GCHFR: variants seen among roughly 807,000 people sequenced by gnomAD.
The protein encoded by GCHFR is GTP cyclohydrolase 1 feedback regulatory protein.
A neutral mutation model predicts 10.6 loss-of-function variants in GCHFR; 12 were observed. That is an observed-to-expected ratio of 1.13 (90% CI 0.72 to 1.83). The LOEUF is 1.83. GCHFR is among the 40% of genes most tolerant of loss of function. The probability of loss-of-function intolerance (pLI) is 0.00; values close to 1 mark genes in which losing one functional copy is unlikely to be tolerated. For synonymous variants in GCHFR, 54 were observed against 43.7 expected (o/e 1.24, Z -0.93); for missense variants, 116 against 110.6 (o/e 1.05, Z -0.22).
intron 1 of GCHFR, 77 bp downstream of exon 1, chr15:40,764,293 C>T (rs1392371201): frequency 6.7e-6 from 9 of 1,349,474 alleles, no homozygotes; most frequent in Middle Eastern, 1.9e-4. Context: ...ATGCCTCCCT[C>T]CTGGGCTGCA....
chr15:40,767,116 CAAGT>C (rs1888966189), intron 2 of GCHFR, 106 bp from the exon 3 acceptor site: 1 of 1,170,248 alleles, frequency 8.5e-7, no homozygotes. Flanking sequence ...AAGCAGCCAG[CAAGT>C]GTGAGTCACT....
chr15:40,764,073 C>A lies in GCHFR; in HGVS notation c.-108C>A. ...GATTGACGCCGCCTGTGGCCAGAGC[C>A]GGAGTAACGGGACTCCCAGCTGCGC... On this transcript the variant is annotated 5_prime_UTR_variant, in exon 1 of 3. Coordinates refer to ENST00000260447, the MANE Select transcript of GCHFR (RefSeq NM_005258.3). The A allele has an allele frequency of 4.5e-6, 5 of 1,106,206 alleles. No homozygotes were observed. The highest frequency in any genetic ancestry group is 6.4e-6 in the Non-Finnish European group (5 of 786,672). 68.5% of individuals were successfully genotyped at this position (1,106,206 alleles called of 1,614,324 possible).
rs1566817110 is a variant in GCHFR at position 40,767,286 on chromosome 15, CT to C, written c.194del (p.Phe65SerfsTer4). On this transcript the variant is annotated frameshift_variant, in exon 3 of 3. Coordinates refer to ENST00000260447, the MANE Select transcript of GCHFR (RefSeq NM_005258.3). LOFTEE classifies it high-confidence loss of function. ...TCCTGGACAAGCTGGAACGCAGGGG[CT>C]TCCGTGTGCTGAGCATGACGGGGGT... ...IVLDKLERRGFRVLSMTGVGQ... is the reference protein window; with the variant it reads ...IVLDKLERRGXRVLSMTGVGQ... The C allele has an allele frequency of 2.5e-6, 4 of 1,604,482 alleles. No individual in the cohort carries two copies. The highest frequency in any genetic ancestry group is 3.4e-6 in the Non-Finnish European group (4 of 1,175,624).
rs755561233 is a variant in GCHFR at position 40,765,936 on chromosome 15, C to T, written c.131+15C>T. ...GGAAACAACTTGTAAGTAGCAGCCT[C>T]CCTCAGTATCCTCTCCCTGCCAGCC... On this transcript the variant is annotated intron_variant, in intron 2 of 2. Coordinates refer to ENST00000260447, the MANE Select transcript of GCHFR (RefSeq NM_005258.3). The T allele has an allele frequency of 7.3e-7, 1 of 1,375,622 alleles. No homozygotes were observed. Among genetic ancestry groups the T allele is most frequent in the Non-Finnish European group, 1.0e-6 (1 of 979,550 alleles). 85.2% of individuals were successfully genotyped at this position (1,375,622 alleles called of 1,614,324 possible). A position where few individuals can be genotyped will look rare whatever the true frequency, so the allele number is the denominator to read the frequency against.
At chr15:40,764,264 G>T (rs1888900095) in intron 1 of GCHFR, 48 bp downstream of exon 1, 9 of 1,507,540 alleles carry the variant, frequency 6.0e-6, no homozygotes, top group Non-Finnish European at 7.1e-6. Context: ...AGGCCCTAGG[G>T]GGCTGCGACT....
rs1355706914 is a variant in GCHFR, at chr15:40,767,282, G to A, written c.188G>A (p.Arg63Lys). 5.6e-6 allele frequency: 9 copies of A among 1,604,286 alleles called. No individual in the cohort carries two copies. Among genetic ancestry groups the A allele is most frequent in the Non-Finnish European group, 7.7e-6 (9 of 1,175,572 alleles). The stretch of plus-strand genomic sequence containing the variant: ...ATAGTCCTGGACAAGCTGGAACGCA[G>A]GGGCTTCCGTGTGCTGAGCATGACG... Reference protein sequence around the residue: ...PRIVLDKLERRGFRVLSMTGV... With the variant: ...PRIVLDKLERKGFRVLSMTGV... Residue 63 changes from arginine (R) to lysine (K), a missense_variant, in exon 3 of 3, where the codon AGG becomes AAG. Arg to Lys is a conservative substitution (Grantham distance 26). Transcript: ENST00000260447.
chr15:40,764,722 GC>G (rs1233295675), intron 1 of GCHFR: 2 of 154,116 alleles, frequency 1.3e-5, no homozygotes, highest in African/African-American at 4.8e-5. Context: ...TATCCCTGAA[GC>G]TTTAGGGAAG....
chr15:40,766,026 C>A, intron 2 of GCHFR, 105 bp downstream of exon 2: 1 of 507,876 alleles, frequency 2.0e-6, no homozygotes, highest in Admixed American at 3.8e-5. Context: ...AGCATCAGAG[C>A]CCCCTGCCTG....
At chr15:40,764,537 C>CAGA (rs1566816168) in intron 1 of GCHFR, 5 of 392,528 alleles carry the variant, frequency 1.3e-5, no homozygotes, top group Non-Finnish European at 2.3e-5. Flanking sequence ...CCTGGCCTCA[C>CAGA]GCGCAGCACC....
Position 40,764,108 on chromosome 15 carries a change from C to A in GCHFR, c.-73C>A. The A allele has an allele frequency of 7.0e-7, 1 of 1,420,450 alleles. No individual in the cohort carries two copies. The highest frequency in any genetic ancestry group is 1.2e-5 in the South Asian group (1 of 80,196). 88.0% of individuals were successfully genotyped at this position (1,420,450 alleles called of 1,614,324 possible). On this transcript the variant is annotated 5_prime_UTR_variant, in exon 1 of 3. Coordinates refer to ENST00000260447, the MANE Select transcript of GCHFR (RefSeq NM_005258.3). ...GGACTCCCAGCTGCGCGTCGCAGTCCCGACGCGAGAAGGGCTGGAGTCGGC... is the reference window on the plus strand; with the variant it reads ...GGACTCCCAGCTGCGCGTCGCAGTCACGACGCGAGAAGGGCTGGAGTCGGC...
chr15:40,765,810 T>G lies in GCHFR; in HGVS notation c.37-17T>G. On this transcript the variant is annotated splice_polypyrimidine_tract_variant and intron_variant, in intron 1 of 2. Coordinates refer to ENST00000260447, the MANE Select transcript of GCHFR (RefSeq NM_005258.3). The stretch of plus-strand genomic sequence containing the variant: ...TCCTGGCAGCCAGCCAAGCAGCCAC[T>G]GTGGCTTACCTTGCAGGAGGTGGGC... 1 of 1,444,704 alleles carries G rather than the reference T, an allele frequency of 6.9e-7. No homozygotes were observed. The allele number at this position is 1,444,704 out of a possible 1,614,324, so 89.5% of individuals were successfully genotyped here.
At chr15:40,764,671 A>G (rs1888910033) in intron 1 of GCHFR, 1 of 160,232 alleles carries the variant, frequency 6.2e-6, no homozygotes, top group Non-Finnish European at 1.4e-5. Flanking sequence ...TTGACCCATA[A>G]ACAGCAACTA....
Position 40,767,236 on chromosome 15 carries a change from T to C in GCHFR, c.142T>C (p.Tyr48His). ...CCTGTCTCTTTGCAGTTATGAATAC[T>C]ACGTCGATGACCCTCCCCGCATAGT... Reference protein sequence around the residue: ...RALGNNFYEYYVDDPPRIVLD... With the variant: ...RALGNNFYEYHVDDPPRIVLD... The change falls in exon 3 of 3, where the codon TAC becomes CAC. Residue 48 changes from tyrosine to histidine, a missense_variant. Tyr to His is a moderately conservative substitution (Grantham distance 83). Transcript: ENST00000260447. The C allele has an allele frequency of 6.4e-7, 1 of 1,562,454 alleles. No individual in the cohort carries two copies. The highest frequency in any genetic ancestry group is 8.7e-7 in the Non-Finnish European group (1 of 1,153,914).
At position 40,765,861 on chromosome 15, in the gene GCHFR, C is replaced by T. The variant is rs753657553; in HGVS notation, c.71C>T (p.Ser24Leu). Residue 24 changes from serine to leucine, a missense_variant, in exon 2 of 3, where the codon TCG becomes TTG. Physicochemically the swap from Ser to Leu is moderately radical, Grantham distance 145. Transcript: ENST00000260447. Reference protein sequence around the residue: ...VGPTMVGDEQSDPELMQHLGA... With the variant: ...VGPTMVGDEQLDPELMQHLGA... Reference sequence around the variant, plus strand: ...CCCACTATGGTGGGCGATGAACAGTCGGATCCAGAGCTGATGCAGCATCTG... The same window carrying T: ...CCCACTATGGTGGGCGATGAACAGTTGGATCCAGAGCTGATGCAGCATCTG... 16 of 1,584,312 alleles carry T rather than the reference C, an allele frequency of 1.0e-5. No individual in the cohort carries two copies. The highest frequency in any genetic ancestry group is 3.4e-5 in the South Asian group (3 of 87,826).
chr15:40,764,352 G>A (rs1272059468), intron 1 of GCHFR, 136 bp downstream of exon 1: 7 of 681,488 alleles, frequency 1.0e-5, no homozygotes, highest in South Asian at 5.4e-5. Flanking sequence ...CCCCTTGGCC[G>A]GGGAGAGGGA....
At chr15:40,765,984 T>C (rs1888938650) in intron 2 of GCHFR, 63 bp downstream of exon 2, 1 of 775,982 alleles carries the variant, frequency 1.3e-6, no homozygotes, top group East Asian at 3.0e-5. Flanking sequence ...TCTGCTCCCT[T>C]TATACAACCT....
intron 1 of GCHFR, among the ~76,000 whole-genome samples, chr15:40,764,981 C>T (rs1343994446): frequency 2.0e-5 from 3 of 152,164 alleles, no homozygotes; most frequent in Non-Finnish European, 2.9e-5. Context: ...GGTACACAAC[C>T]CCCTTGGTGG....
Position 40,767,256 on chromosome 15 carries a change from CAT to C in GCHFR, c.164_165del (p.Ile55SerfsTer35). 2.5e-6 allele frequency: 4 copies of C among 1,596,092 alleles called. No individual in the cohort carries two copies. Among genetic ancestry groups the C allele is most frequent in the Non-Finnish European group, 3.4e-6 (4 of 1,171,456 alleles). ...AATACTACGTCGATGACCCTCCCCG[CAT>C]AGTCCTGGACAAGCTGGAACGCAGG... ...YEYYVDDPPR[I>X]VLDKLERRGF... On this transcript the variant is annotated frameshift_variant, in exon 3 of 3. Coordinates refer to ENST00000260447, the MANE Select transcript of GCHFR (RefSeq NM_005258.3). LOFTEE classifies it high-confidence loss of function.
chr15:40,767,011 CCTT>C, intron 2 of GCHFR: 1 of 404,558 alleles, frequency 2.5e-6, no homozygotes, highest in South Asian at 8.8e-5. Flanking sequence ...AACAGTGGCA[CCTT>C]CACTAGCTTG....
Sources: gnomAD v4.1 joint callset for allele counts (sites outside exome capture counted in the v4.1 genomes callset) on GRCh38, gnomAD v4.1.1 for gene constraint, MANE v1.5 for transcripts, NCBI Gene and HGNC (gene_info 2026-07-23, HGNC 2026-07-21) for gene names.